The following SEMA6D variants were observed in gnomAD, a reference collection of about 807,000 sequenced individuals.
The protein encoded by SEMA6D is semaphorin 6D.
A neutral mutation model predicts 106.6 loss-of-function variants in SEMA6D; 35 were observed. The ratio of observed to expected loss-of-function variants is 0.33; its 90% CI spans 0.25 to 0.44. The LOEUF (loss-of-function observed/expected upper bound fraction) is 0.44. Ranked by LOEUF, SEMA6D falls within the 20% of genes least tolerant of loss-of-function variation. The pLI is 1.00. For missense variants in SEMA6D, 1,185 were observed against 1,345.9 expected, an observed-to-expected ratio of 0.88 and a Z score of 1.87; for synonymous variants, 499 against 487.7, an observed-to-expected ratio of 1.02 and a Z score of -0.31.
chr15:47,471,985 AAGAG>A lies in SEMA6D; in HGVS notation c.-87+1447_-87+1450del, dbSNP rs1294465405. ...CACACACACACACACGAAAAAGAGA[AAGAG>A]AGAGAGGGAAGGGGGAAGGGGATGG... On this transcript the variant is annotated intron_variant, in intron 3 of 19. Coordinates refer to the SEMA6D transcript ENST00000558014. Among the ~76,000 whole-genome samples, 20 of 144,000 alleles carry A rather than the reference AAGAG, an allele frequency of 1.4e-4. 1 individual carries two copies. In the East Asian group the frequency reaches 1.5e-3, roughly 11 times the overall value. The allele number at this position is 144,000 out of a possible 152,430, so 94.5% of individuals were successfully genotyped here.
chr15:47,305,843 C>A (rs1419806357), intron 1 of SEMA6D, among the ~76,000 whole-genome samples: 1 of 152,210 alleles, frequency 6.6e-6, no homozygotes, highest in Non-Finnish European at 1.5e-5. Context: ...CAAAGTAGAT[C>A]TTCTCATATT....
intron 1 of SEMA6D, among the ~76,000 whole-genome samples, chr15:47,745,938 A>G (rs1158949426): frequency 6.6e-6 from 1 of 152,246 alleles, no homozygotes; most frequent in Non-Finnish European, 1.5e-5. Flanking sequence ...CCCTTCACCC[A>G]GGAAGTACAT....
At chr15:47,641,419 C>G (rs758512567) in intron 4 of SEMA6D, among the ~76,000 whole-genome samples, 1 of 152,124 alleles carries the variant, frequency 6.6e-6, no homozygotes, top group Non-Finnish European at 1.5e-5. Flanking sequence ...CTCTCTCACA[C>G]TCTCACTCTC....
At chr15:47,539,894 C>A (rs1261965888) in intron 3 of SEMA6D, among the ~76,000 whole-genome samples, 1 of 152,078 alleles carries the variant, frequency 6.6e-6, no homozygotes, top group Non-Finnish European at 1.5e-5. Flanking sequence ...AATCATTGAT[C>A]CTGTTGGTAT....
intron 4 of SEMA6D, among the ~76,000 whole-genome samples, chr15:47,673,340 C>T (rs986247939): frequency 2.0e-5 from 3 of 152,078 alleles, no homozygotes; most frequent in African/African-American, 7.2e-5. Context: ...GAAAATATAA[C>T]ACAATTATCT....
chr15:47,418,200 G>C (rs1164829865), intron 2 of SEMA6D, among the ~76,000 whole-genome samples: 1 of 152,062 alleles, frequency 6.6e-6, no homozygotes, highest in East Asian at 1.9e-4. Flanking sequence ...ATCTGAGGAA[G>C]ATTGTTCTAG....
At chr15:47,195,878 C>A (rs934833902) in intron 1 of SEMA6D, among the ~76,000 whole-genome samples, 1 of 152,096 alleles carries the variant, frequency 6.6e-6, no homozygotes, top group East Asian at 1.9e-4. Flanking sequence ...AGAGGAAAGG[C>A]TCACCTACAG....
chr15:47,721,825 C>T (rs951488584), intron 1 of SEMA6D, among the ~76,000 whole-genome samples: 1 of 152,098 alleles, frequency 6.6e-6, no homozygotes, highest in Admixed American at 6.5e-5. Flanking sequence ...ATTTTAACAA[C>T]CCTGAAGTGA....
At chr15:47,764,367 C>T (rs1306025701) in intron 11 of SEMA6D, 62 bp downstream of exon 11, 3 of 1,563,992 alleles carry the variant, frequency 1.9e-6, no homozygotes, top group East Asian at 4.5e-5. Context: ...TTGGAAGCAT[C>T]CCTCCTCAGG....
chr15:47,651,929 A>G (rs540482450), intron 4 of SEMA6D, among the ~76,000 whole-genome samples: 75 of 152,306 alleles, frequency 4.9e-4, no homozygotes, highest in African/African-American at 1.8e-3. Flanking sequence ...CCCTGCCTGG[A>G]TATATCTTGG....
rs115318083 is a variant in SEMA6D at position 47,239,768 on chromosome 15, G to T, written c.-239+55350G>T. Among the ~76,000 whole-genome samples the T allele has an allele frequency of 3.5e-3, 528 of 152,230 alleles. 4 individuals are homozygous for T. The highest frequency in any genetic ancestry group is 0.012 in the African/African-American group (499 of 41,560). ...TATAATACTAATACTTGCCTTACAG[G>T]GTTGCTGTGATGATTACAGAAGTTG... On this transcript the variant is annotated intron_variant, in intron 1 of 19. Transcript: ENST00000558014.
intron 1 of SEMA6D, among the ~76,000 whole-genome samples, chr15:47,230,959 G>C (rs113549532): frequency 8.6e-5 from 13 of 151,986 alleles, no homozygotes; most frequent in African/African-American, 3.1e-4. Context: ...ACTTTAACAG[G>C]CCTTTCCTCT....
intron 4 of SEMA6D, among the ~76,000 whole-genome samples, chr15:47,707,559 C>G (rs1300748674): frequency 2.6e-5 from 4 of 152,142 alleles, no homozygotes; most frequent in Non-Finnish European, 5.9e-5. Flanking sequence ...TGCATGATTT[C>G]CAAGTTGGAG....
chr15:47,593,399 C>A (rs1326693111), intron 3 of SEMA6D, among the ~76,000 whole-genome samples: 23 of 63,132 alleles, frequency 3.6e-4, no homozygotes, highest in Non-Finnish European at 5.5e-4. Flanking sequence ...GAGCGAAACT[C>A]CGTCTCAAAA....
At chr15:47,357,402 C>T (rs2038628209) in intron 1 of SEMA6D, among the ~76,000 whole-genome samples, 1 of 145,262 alleles carries the variant, frequency 6.9e-6, no homozygotes, top group African/African-American at 2.5e-5. Flanking sequence ...TACTCCAAAA[C>T]AAAACAAAAC....
chr15:47,351,983 A>G (rs2144821463), intron 1 of SEMA6D, among the ~76,000 whole-genome samples: 1 of 152,324 alleles, frequency 6.6e-6, no homozygotes, highest in African/African-American at 2.4e-5. Flanking sequence ...TCTGTTATCC[A>G]GTAGATCTGA....
intron 3 of SEMA6D, among the ~76,000 whole-genome samples, chr15:47,537,797 G>A (rs1318290124): frequency 6.6e-6 from 1 of 152,202 alleles, no homozygotes; most frequent in Non-Finnish European, 1.5e-5. Context: ...TGCTACCTTT[G>A]TGTCTGGGAT....
At chr15:47,440,535 AC>A (rs2041850782) in intron 2 of SEMA6D, among the ~76,000 whole-genome samples, 1 of 151,746 alleles carries the variant, frequency 6.6e-6, no homozygotes, top group Non-Finnish European at 1.5e-5. Context: ...AGAACACAAG[AC>A]CCCCAGCTAA....
chr15:47,272,629 C>CA (rs2034608537), intron 1 of SEMA6D: 1 of 152,584 alleles, frequency 6.6e-6, no homozygotes, highest in Admixed American at 6.6e-5. Context: ...CGACATCTGT[C>CA]ACCTCATTGA....
Sources: gnomAD v4.1 joint callset for allele counts (sites outside exome capture counted in the v4.1 genomes callset) on GRCh38, gnomAD v4.1.1 for gene constraint, MANE v1.5 for transcripts, NCBI Gene and HGNC (gene_info 2026-07-23, HGNC 2026-07-21) for gene names.